Variants in ABLIM3 observed in about 807,000 individuals in gnomAD.
ABLIM3 encodes actin binding LIM protein family member 3.
Under a neutral mutation model 109.5 loss-of-function variants are expected in ABLIM3, and 61 were observed. The ratio of observed to expected loss-of-function variants is 0.56; its 90% CI spans 0.45 to 0.69. The LOEUF (loss-of-function observed/expected upper bound fraction) is 0.69, where lower values mean the gene tolerates loss of function less well. Ranked by LOEUF, ABLIM3 falls within the 30% of genes least tolerant of loss-of-function variation. The pLI, the probability that ABLIM3 is intolerant of heterozygous loss-of-function variation, is 0.00. For missense variants in ABLIM3, 796 were observed against 889.5 expected (o/e 0.89, Z 1.34); for synonymous variants, 300 against 324.8 (o/e 0.92, Z 0.82).
intron 2 of ABLIM3, among the ~76,000 whole-genome samples, chr5:149,153,350 C>T (rs1753603916): frequency 6.6e-6 from 1 of 152,202 alleles, no homozygotes; most frequent in Non-Finnish European, 1.5e-5. Flanking sequence ...CACATCTGGT[C>T]ATTTCTACCT....
chr5:149,245,730 C>T (rs1375903944), intron 16 of ABLIM3, among the ~76,000 whole-genome samples: 1 of 151,998 alleles, frequency 6.6e-6, no homozygotes, highest in Non-Finnish European at 1.5e-5. Flanking sequence ...TCCTCAGATA[C>T]CACCTCACCC....
At chr5:149,145,648 G>A (rs542360564) in intron 2 of ABLIM3, among the ~76,000 whole-genome samples, 1 of 152,268 alleles carries the variant, frequency 6.6e-6, no homozygotes, top group Admixed American at 6.5e-5. Context: ...AGCCTTGCCA[G>A]CATCTGTTGT....
chr5:149,221,219 G>A (rs1304799357), intron 8 of ABLIM3, among the ~76,000 whole-genome samples: 1 of 152,140 alleles, frequency 6.6e-6, no homozygotes, highest in African/African-American at 2.4e-5. Flanking sequence ...AGAACGAGGT[G>A]GAGAAACTGA....
chr5:149,248,992 C>T (rs2895838), intron 18 of ABLIM3, among the ~76,000 whole-genome samples: 65,651 of 151,916 alleles, frequency 0.43, 14,525 homozygotes, highest in East Asian at 0.59. Context: ...ATAAAATGCA[C>T]CATTTATTAC....
Position 149,154,351 on chromosome 5 carries a change from A to G in ABLIM3, c.13+12243A>G, listed in dbSNP as rs1050543352. 5.2e-4 allele frequency among the ~76,000 whole-genome samples: 79 copies of G among 152,366 alleles called. 1 individual carries two copies. The highest frequency in any genetic ancestry group is 1.9e-3 in the African/African-American group (78 of 41,586). ...CTGTGATGTTAGCATTATATGGTGC[A>G]GGAACCTCAGGTGATTATAAATCCC... On this transcript the variant is annotated intron_variant, in intron 2 of 23. Coordinates refer to ENST00000309868, the MANE Select transcript of ABLIM3 (RefSeq NM_014945.5).
At chr5:149,168,054 C>T (rs570623942) in intron 2 of ABLIM3, among the ~76,000 whole-genome samples, 7 of 152,298 alleles carry the variant, frequency 4.6e-5, no homozygotes, top group Non-Finnish European at 5.9e-5. Context: ...CTATAGCACA[C>T]GCACACATAC....
At chr5:149,246,087 TGGG>T (rs1753329919) in intron 16 of ABLIM3, among the ~76,000 whole-genome samples, 1 of 152,140 alleles carries the variant, frequency 6.6e-6, no homozygotes, top group Admixed American at 6.5e-5. Flanking sequence ...CCCTTGAGCC[TGGG>T]GACTTGAGGC....
In ABLIM3 at chr5:149,148,243, G is replaced by A. The variant is rs143779684; in HGVS notation, c.13+6135G>A. Among the ~76,000 whole-genome samples the A allele has an allele frequency of 4.2e-3, 636 of 152,212 alleles. 4 individuals carry two copies. Among genetic ancestry groups the A allele is most frequent in the African/African-American group, 0.015 (615 of 41,516 alleles). On this transcript the variant is annotated intron_variant, in intron 2 of 23. Coordinates refer to ENST00000309868, the MANE Select transcript of ABLIM3 (RefSeq NM_014945.5). ...AAATCTAGCTGAATATTAAGAAAGGGGTAATTTTGGAGATGCTGGAGTGAG... is the reference window on the plus strand; with the variant it reads ...AAATCTAGCTGAATATTAAGAAAGGAGTAATTTTGGAGATGCTGGAGTGAG...
chr5:149,208,852 G>A (rs952188784), intron 6 of ABLIM3, among the ~76,000 whole-genome samples: 2 of 152,210 alleles, frequency 1.3e-5, no homozygotes, highest in Admixed American at 6.5e-5. Context: ...GAGAAAAAAA[G>A]GATGACTGCT....
At chr5:149,227,110 A>T (rs1581180490) in intron 8 of ABLIM3, among the ~76,000 whole-genome samples, 1 of 150,464 alleles carries the variant, frequency 6.6e-6, no homozygotes, top group Non-Finnish European at 1.5e-5. Flanking sequence ...CAAATTTAAC[A>T]TCAGGGTGTA....
At chr5:149,234,288 C>T (rs1460242653) in intron 10 of ABLIM3, among the ~76,000 whole-genome samples, 3 of 152,154 alleles carry the variant, frequency 2.0e-5, no homozygotes, top group African/African-American at 4.8e-5. Flanking sequence ...AGAGCTGAAA[C>T]GAGCAGAAAA....
At chr5:149,200,004 G>C (rs10055646) in intron 4 of ABLIM3, among the ~76,000 whole-genome samples, 102,407 of 152,060 alleles carry the variant, frequency 0.67, 34,701 homozygotes, top group African/African-American at 0.74. Flanking sequence ...GATGGAAAAA[G>C]TCCTTCCAGA....
Position 149,165,058 on chromosome 5 carries a change from C to T in ABLIM3, c.14-18394C>T, listed in dbSNP as rs180856433. Among the ~76,000 whole-genome samples, 310 of 152,298 alleles carry T rather than the reference C, an allele frequency of 2.0e-3. 1 individual carries two copies. The highest frequency in any genetic ancestry group is 3.1e-3 in the Non-Finnish European group (209 of 68,032). On this transcript the variant is annotated intron_variant, in intron 2 of 23. Transcript: ENST00000309868. ...TTCCAAACATAGTTTCTGAACATAG[C>T]TTGAATTGAAAGTAGAGATTCTACC...
rs1022136134 is a variant in ABLIM3 at position 149,236,151 on chromosome 5, T to C, written c.889-1297T>C. Among the ~76,000 whole-genome samples the C allele has an allele frequency of 2.0e-5, 3 of 152,252 alleles. No individual in the cohort carries two copies. In the East Asian group the frequency reaches 5.8e-4, roughly 29 times the overall value. On this transcript the variant is annotated intron_variant, in intron 10 of 23. Transcript: ENST00000309868. ...AGAGCCTGTGATACAGCCCAGGCAGTGTTCAGGACATAGATCCAGGCAAGG... is the reference window on the plus strand; with the variant it reads ...AGAGCCTGTGATACAGCCCAGGCAGCGTTCAGGACATAGATCCAGGCAAGG...
intron 4 of ABLIM3, among the ~76,000 whole-genome samples, chr5:149,199,620 C>T (rs1487355648): frequency 1.3e-5 from 2 of 152,206 alleles, no homozygotes; most frequent in African/African-American, 4.8e-5. Flanking sequence ...CCTGGTGCTC[C>T]CTCCATCGTG....
In ABLIM3 at chr5:149,242,579, G is replaced by C. The variant is rs781571571; in HGVS notation, c.1351+41G>C. On this transcript the variant is annotated intron_variant, in intron 15 of 23. Coordinates refer to ENST00000309868, the MANE Select transcript of ABLIM3 (RefSeq NM_014945.5). ...GATAGGGCTTGGCCACACAAGGAGA[G>C]GGGGGAGGTTAACCATCTATGCAGA... is the stretch of plus-strand genomic sequence containing the variant. 4.4e-6 allele frequency: 7 copies of C among 1,608,640 alleles called. No individual in the cohort carries two copies. In the Admixed American group the frequency reaches 5.0e-5, roughly 11 times the overall value.
Position 149,237,447 on chromosome 5 carries a change from G to C in ABLIM3, c.889-1G>C. On this transcript the variant is annotated splice_acceptor_variant, in intron 10 of 23. Transcript: ENST00000309868. LOFTEE classifies it high-confidence loss of function. ...TTCCTGTCCATTTCCCTCTTCCCTA[G>C]GCTAAAGTGGATAATGAGATCCTTA... 6.2e-7 allele frequency: 1 copy of C among 1,613,790 alleles called. No individual in the cohort carries two copies. The highest frequency in any genetic ancestry group is 1.1e-5 in the South Asian group (1 of 91,032).
chr5:149,165,102 A>G (rs1477211491), intron 2 of ABLIM3, among the ~76,000 whole-genome samples: 2 of 152,218 alleles, frequency 1.3e-5, no homozygotes, highest in Non-Finnish European at 2.9e-5. Flanking sequence ...CTTAAGACAA[A>G]ATCAATTCAA....
At chr5:149,209,163 G>A (rs1385714061) in intron 6 of ABLIM3, among the ~76,000 whole-genome samples, 1 of 152,130 alleles carries the variant, frequency 6.6e-6, no homozygotes, top group Non-Finnish European at 1.5e-5. Context: ...TTAGTACATT[G>A]CCAGCCAGGA....
Sources: gnomAD v4.1 joint callset for allele counts (sites outside exome capture counted in the v4.1 genomes callset) on GRCh38, gnomAD v4.1.1 for gene constraint, MANE v1.5 for transcripts, NCBI Gene and HGNC (gene_info 2026-07-23, HGNC 2026-07-21) for gene names.